Variants in RAB4A observed in about 807,000 individuals in gnomAD.
RAB4A encodes RAB4A, member RAS oncogene family.
Under a neutral mutation model 34.5 loss-of-function variants are expected in RAB4A, and 20 were observed. The observed-to-expected ratio is 0.58, with a 90% CI of 0.41 to 0.84. The LOEUF (loss-of-function observed/expected upper bound fraction) is 0.84, where lower values mean the gene tolerates loss of function less well. Among genes scored for constraint, RAB4A ranks in the 40% least tolerant of loss-of-function variants. The pLI is 0.00. For synonymous variants in RAB4A, 102 were observed against 100.0 expected (o/e 1.02, Z -0.12); for missense variants, 228 against 274.5 (o/e 0.83, Z 1.20).
Position 229,271,253 on chromosome 1 carries a change from G to A in RAB4A, c.-87G>A. 8.3e-7 allele frequency: 1 copy of A among 1,207,058 alleles called. No individual in the cohort carries two copies. 74.8% of individuals were successfully genotyped at this position (1,207,058 alleles called of 1,614,324 possible). The stretch of plus-strand genomic sequence containing the variant: ...GGGCCCCTCCCTCCTCCGGTCCCCC[G>A]CCCCAGGTCCTTCCCCACCGAGACG... On this transcript the variant is annotated 5_prime_UTR_variant, in exon 1 of 8. Coordinates refer to ENST00000366690, the MANE Select transcript of RAB4A (RefSeq NM_004578.4).
At position 229,274,049 on chromosome 1, in the gene RAB4A, CTTTTT is replaced by C. The variant is rs11339660; in HGVS notation, c.31+2696_31+2700del. Reference sequence around the variant, plus strand: ...TGAAATGTACTGGGTTTTTGTTTCCCTTTTTTTTTTTTTTTTTTTTTGAGACAGGA... The same window carrying C: ...TGAAATGTACTGGGTTTTTGTTTCCCTTTTTTTTTTTTTTTTGAGACAGGA... On this transcript the variant is annotated intron_variant, in intron 1 of 7. Coordinates refer to ENST00000366690, the MANE Select transcript of RAB4A (RefSeq NM_004578.4). 2.8e-4 allele frequency among the ~76,000 whole-genome samples: 24 copies of C among 86,864 alleles called. No individual in the cohort carries two copies. In the East Asian group the frequency reaches 3.1e-3, roughly 11 times the overall value. The allele number at this position is 86,864 out of a possible 152,430, so 57.0% of individuals were successfully genotyped here.
Position 229,304,974 on chromosome 1 carries a change from T to G in RAB4A, c.*1181T>G. On this transcript the variant is annotated 3_prime_UTR_variant, in exon 8 of 8. Coordinates refer to ENST00000366690, the MANE Select transcript of RAB4A (RefSeq NM_004578.4). ...TTTAAAGTTGAAATGCAGTATTATTTAAATCTGAAAGGTTAAAAAGCTTTC... is the reference window on the plus strand; with the variant it reads ...TTTAAAGTTGAAATGCAGTATTATTGAAATCTGAAAGGTTAAAAAGCTTTC... The G allele has an allele frequency of 1.3e-6, 1 of 758,854 alleles. No individual in the cohort carries two copies. The allele number at this position is 758,854 out of a possible 1,614,324, so 47.0% of individuals were successfully genotyped here. A position where few individuals can be genotyped will look rare whatever the true frequency, so the allele number is the denominator to read the frequency against.
At chr1:229,281,846 A>C (rs1181434528) in intron 1 of RAB4A, among the ~76,000 whole-genome samples, 8 of 132,180 alleles carry the variant, frequency 6.1e-5, no homozygotes, top group Admixed American at 1.6e-4. Context: ...ATATATATAT[A>C]TCATAGTTTA....
At chr1:229,300,311 G>A (rs1657348025) in intron 6 of RAB4A, among the ~76,000 whole-genome samples, 1 of 152,208 alleles carries the variant, frequency 6.6e-6, no homozygotes, top group African/African-American at 2.4e-5. Flanking sequence ...CATGTATGTA[G>A]GAGGTTATGT....
In RAB4A at chr1:229,305,239, T is replaced by C. The variant is rs1657520642; in HGVS notation, c.*1446T>C. 1 of 1,609,370 alleles carries C rather than the reference T, an allele frequency of 6.2e-7. No homozygotes were observed. The highest frequency in any genetic ancestry group is 8.5e-7 in the Non-Finnish European group (1 of 1,178,326). ...TTCAAAAAGTATCTGAAGCAAATTC[T>C]CAGACTGAACTACTTCTTAGACCTC... On this transcript the variant is annotated 3_prime_UTR_variant, in exon 8 of 8. Coordinates refer to ENST00000366690, the MANE Select transcript of RAB4A (RefSeq NM_004578.4).
intron 1 of RAB4A, among the ~76,000 whole-genome samples, chr1:229,272,907 A>G (rs1656532891): frequency 6.6e-6 from 1 of 152,230 alleles, no homozygotes. Context: ...CAGTAAGTCG[A>G]TGCCTTCATC....
chr1:229,296,195 T>C (rs971451908), intron 4 of RAB4A, among the ~76,000 whole-genome samples: 6 of 152,232 alleles, frequency 3.9e-5, no homozygotes, highest in African/African-American at 1.4e-4. Flanking sequence ...TTGGACACTT[T>C]CCTTAAGGTT....
intron 1 of RAB4A, among the ~76,000 whole-genome samples, chr1:229,276,386 C>G (rs1246207257): frequency 6.6e-6 from 1 of 151,428 alleles, no homozygotes; most frequent in Non-Finnish European, 1.5e-5. Context: ...TATTCTTTCT[C>G]ATGGTCATTT....
intron 3 of RAB4A, among the ~76,000 whole-genome samples, chr1:229,292,763 A>G (rs955152296): frequency 5.3e-5 from 8 of 152,160 alleles, no homozygotes; most frequent in Admixed American, 5.2e-4. Context: ...TTCTCCAAGG[A>G]TAGTTCATTC....
chr1:229,303,167 C>T (rs1657462446), intron 7 of RAB4A, among the ~76,000 whole-genome samples, 178 bp downstream of exon 7: 1 of 151,998 alleles, frequency 6.6e-6, no homozygotes, highest in Non-Finnish European at 1.5e-5. Context: ...AGTTCGAGAC[C>T]AGCCTAGGCA....
At chr1:229,281,634 A>G (rs1426151646) in intron 1 of RAB4A, among the ~76,000 whole-genome samples, 2 of 151,784 alleles carry the variant, frequency 1.3e-5, no homozygotes, top group Non-Finnish European at 2.9e-5. Context: ...TATTGTAATT[A>G]TTGATATTGT....
At chr1:229,286,876 A>G (rs915572484) in intron 2 of RAB4A, among the ~76,000 whole-genome samples, 16 of 152,190 alleles carry the variant, frequency 1.1e-4, no homozygotes, top group African/African-American at 3.6e-4. Context: ...CAGCCAGAGA[A>G]GCTCTAGGCA....
intron 1 of RAB4A, among the ~76,000 whole-genome samples, chr1:229,272,845 C>T (rs1656530851): frequency 6.6e-6 from 1 of 152,176 alleles, no homozygotes; most frequent in African/African-American, 2.4e-5. Flanking sequence ...CTGCCCTGTT[C>T]TTGGTGACAA....
At chr1:229,274,800 G>A (rs905987371) in intron 1 of RAB4A, among the ~76,000 whole-genome samples, 4 of 152,224 alleles carry the variant, frequency 2.6e-5, no homozygotes, top group African/African-American at 9.6e-5. Context: ...TGCTGGGGCA[G>A]TTCGAGAGTG....
chr1:229,302,283 ATATATATATATATATATATATATATATT>A (rs1394991001), intron 6 of RAB4A, among the ~76,000 whole-genome samples: 422 of 19,908 alleles, frequency 0.021, 17 homozygotes, highest in Non-Finnish European at 0.028. Context: ...ATATATATAT[ATATATATATATATATATATATATATATT>A]TTTTTTTTTT....
Position 229,299,078 on chromosome 1 carries a change from A to G in RAB4A, c.541+6A>G. ...ACTTAACAAAATCGAATCAGGTAAAAGCCTTTCCATTAAGCAACTTTTCTT... is the reference window on the plus strand; with the variant it reads ...ACTTAACAAAATCGAATCAGGTAAAGGCCTTTCCATTAAGCAACTTTTCTT... On this transcript the variant is annotated splice_donor_region_variant and intron_variant, in intron 6 of 7. Transcript: ENST00000366690. The G allele has an allele frequency of 3.1e-6, 5 of 1,589,538 alleles. No homozygotes were observed. Among genetic ancestry groups the G allele is most frequent in the Non-Finnish European group, 4.3e-6 (5 of 1,168,952 alleles).
chr1:229,296,935 C>T (rs1657266331), intron 4 of RAB4A, among the ~76,000 whole-genome samples: 1 of 152,220 alleles, frequency 6.6e-6, no homozygotes, highest in Non-Finnish European at 1.5e-5. Context: ...TGGAGTCAGA[C>T]AGAGCTGGTC....
intron 1 of RAB4A, among the ~76,000 whole-genome samples, chr1:229,280,807 C>T (rs1656760054): frequency 6.6e-6 from 1 of 152,166 alleles, no homozygotes; most frequent in South Asian, 2.1e-4. Context: ...TTTCCTTAGC[C>T]TTTGGCAACC....
At position 229,299,031 on chromosome 1, in the gene RAB4A, T is replaced by G; in HGVS notation, c.500T>G (p.Phe167Cys). Residue 167 changes from phenylalanine to cysteine, a missense_variant, in exon 6 of 8, where the codon TTT (phenylalanine) becomes TGT (cysteine). Transcript: ENST00000366690. Reference protein sequence around the residue: ...ALTGENVEEAFVQCARKILNK... With the variant: ...ALTGENVEEACVQCARKILNK... ...ACAGGGGAGAATGTAGAAGAGGCTTTTGTACAGTGTGCAAGAAAAATACTT... is the reference window on the plus strand; with the variant it reads ...ACAGGGGAGAATGTAGAAGAGGCTTGTGTACAGTGTGCAAGAAAAATACTT... 6.2e-7 allele frequency: 1 copy of G among 1,610,388 alleles called. No individual in the cohort carries two copies.
Sources: allele counts gnomAD v4.1 joint callset (sites outside exome capture counted in the v4.1 genomes callset), GRCh38; gene constraint gnomAD v4.1.1; transcripts MANE v1.5; gene names NCBI Gene and HGNC (gene_info 2026-07-23, HGNC 2026-07-21).